Variants in SLC25A21 observed in about 807,000 individuals in gnomAD.
SLC25A21 encodes mitochondrial 2-oxodicarboxylate carrier.
In SLC25A21, 47 loss-of-function variants were observed where a neutral mutation model predicts 43.8. The observed-to-expected ratio is 1.07, with a 90% CI of 0.85 to 1.37. The LOEUF (loss-of-function observed/expected upper bound fraction) is 1.37, where lower values mean the gene tolerates loss of function less well. Among genes scored for constraint, SLC25A21 ranks in the 40% most tolerant of loss-of-function variants. The probability of loss-of-function intolerance (pLI) is 0.00; values close to 1 mark genes in which losing one functional copy is unlikely to be tolerated. For missense variants in SLC25A21, 352 were observed against 350.2 expected (o/e 1.00, Z -0.04); for synonymous variants, 131 against 121.3 (o/e 1.08, Z -0.52).
At chr14:37,094,648 A>G (rs369464979) in intron 1 of SLC25A21, among the ~76,000 whole-genome samples, 1 of 152,146 alleles carries the variant, frequency 6.6e-6, no homozygotes, top group Admixed American at 6.5e-5. Context: ...ACATGCAAAC[A>G]TGCAGACTTA....
chr14:37,014,503 T>C (rs1960802729), intron 1 of SLC25A21, among the ~76,000 whole-genome samples: 1 of 152,134 alleles, frequency 6.6e-6, no homozygotes, highest in Non-Finnish European at 1.5e-5. Context: ...CCACTTCTAA[T>C]TCTCGTTCTC....
chr14:37,077,691 A>G (rs1962308498), intron 1 of SLC25A21, among the ~76,000 whole-genome samples: 1 of 152,184 alleles, frequency 6.6e-6, no homozygotes, highest in African/African-American at 2.4e-5. Flanking sequence ...CTAAAGAAAA[A>G]GACTTTTACA....
In SLC25A21 at chr14:37,101,766, T is replaced by C. The variant is rs563687407; in HGVS notation, c.70+70515A>G. On this transcript the variant is annotated intron_variant, in intron 1 of 9. Coordinates refer to ENST00000331299, the MANE Select transcript of SLC25A21 (RefSeq NM_030631.4). ...ATTTATACAAAAGCCCATATAGGTATAGAAAATGCAATAAAAAGAAAATGC... is the reference window on the plus strand; with the variant it reads ...ATTTATACAAAAGCCCATATAGGTACAGAAAATGCAATAAAAAGAAAATGC... Among the ~76,000 whole-genome samples the C allele has an allele frequency of 1.8e-4, 27 of 152,184 alleles. 1 individual carries two copies. The highest frequency in any genetic ancestry group is 3.1e-4 in the Non-Finnish European group (21 of 68,028).
intron 1 of SLC25A21, among the ~76,000 whole-genome samples, chr14:37,039,407 T>C (rs1961396554): frequency 6.6e-6 from 1 of 152,202 alleles, no homozygotes; most frequent in South Asian, 2.1e-4. Context: ...TCATTCCCTT[T>C]AGTACATCCC....
intron 7 of SLC25A21, among the ~76,000 whole-genome samples, chr14:36,701,819 T>G (rs990148137): frequency 6.6e-6 from 1 of 152,174 alleles, no homozygotes; most frequent in Non-Finnish European, 1.5e-5. Flanking sequence ...TGTAGTGTGT[T>G]CTCTCTGTTC....
intron 1 of SLC25A21, among the ~76,000 whole-genome samples, chr14:37,130,341 T>C (rs1240986000): frequency 6.6e-6 from 1 of 152,192 alleles, no homozygotes; most frequent in South Asian, 2.1e-4. Flanking sequence ...ATTCATAGTA[T>C]AAGAATGACA....
chr14:37,108,704 A>AGT (rs56801840), intron 1 of SLC25A21, among the ~76,000 whole-genome samples: 8,013 of 149,202 alleles, frequency 0.054, 298 homozygotes, highest in African/African-American at 0.1. Context: ...AGTTTTGTTA[A>AGT]GTGTGTGTGT....
intron 2 of SLC25A21, among the ~76,000 whole-genome samples, chr14:36,827,813 T>G (rs949465769): frequency 2.0e-5 from 3 of 152,204 alleles, no homozygotes; most frequent in African/African-American, 7.2e-5. Context: ...AAAACAGCTA[T>G]GTGGTTTCTG....
At chr14:37,070,400 C>A (rs907208187) in intron 1 of SLC25A21, among the ~76,000 whole-genome samples, 2 of 152,106 alleles carry the variant, frequency 1.3e-5, no homozygotes, top group East Asian at 3.9e-4. Flanking sequence ...TCATTGTAGA[C>A]CTCTTTTAAA....
In SLC25A21 at chr14:36,836,578, T is replaced by C. The variant is rs1185979890; in HGVS notation, c.120-22577A>G. Among the ~76,000 whole-genome samples the C allele has an allele frequency of 2.0e-5, 3 of 152,138 alleles. No homozygotes were observed. In the East Asian group the frequency reaches 5.8e-4, roughly 29 times the overall value. Reference sequence around the variant, plus strand: ...GCATTATGTAACAAAGGTGGATGGATGTGAGTGTTGATCTCTGGGCTCTGC... The same window carrying C: ...GCATTATGTAACAAAGGTGGATGGACGTGAGTGTTGATCTCTGGGCTCTGC... On this transcript the variant is annotated intron_variant, in intron 2 of 9. Coordinates refer to ENST00000331299, the MANE Select transcript of SLC25A21 (RefSeq NM_030631.4).
At chr14:37,148,046 C>T (rs1357755555) in intron 1 of SLC25A21, among the ~76,000 whole-genome samples, 1 of 151,914 alleles carries the variant, frequency 6.6e-6, no homozygotes, top group Non-Finnish European at 1.5e-5. Context: ...CCATGTTGGT[C>T]AGGCTGGTCT....
At chr14:36,769,682 A>C (rs1331705914) in intron 3 of SLC25A21, among the ~76,000 whole-genome samples, 1 of 152,154 alleles carries the variant, frequency 6.6e-6, no homozygotes, top group Non-Finnish European at 1.5e-5. Context: ...CTTTTTGCTT[A>C]AAATTCTTTT....
chr14:36,999,162 C>T (rs1256121446), intron 1 of SLC25A21, among the ~76,000 whole-genome samples: 2 of 152,096 alleles, frequency 1.3e-5, no homozygotes, highest in African/African-American at 4.8e-5. Context: ...GATACATAAA[C>T]TGTGGTACAT....
chr14:37,051,856 A>T (rs1434539437), intron 1 of SLC25A21, among the ~76,000 whole-genome samples: 1 of 152,202 alleles, frequency 6.6e-6, no homozygotes. Flanking sequence ...ATCTCCCACC[A>T]GGGCCTTCCT....
intron 1 of SLC25A21, among the ~76,000 whole-genome samples, chr14:36,963,194 GTA>G (rs1959535817): frequency 6.6e-6 from 1 of 151,904 alleles, no homozygotes; most frequent in Non-Finnish European, 1.5e-5. Context: ...TCCCCCCATA[GTA>G]TATTAAAGAG....
chr14:36,936,147 A>T (rs1892418221), intron 1 of SLC25A21, among the ~76,000 whole-genome samples: 1 of 152,158 alleles, frequency 6.6e-6, no homozygotes, highest in Non-Finnish European at 1.5e-5. Context: ...AGCTAAAGAA[A>T]CTTGCATCTG....
chr14:36,814,782 C>T lies in SLC25A21; in HGVS notation c.120-781G>A, dbSNP rs574534012. Among the ~76,000 whole-genome samples, 3 of 152,192 alleles carry T rather than the reference C, an allele frequency of 2.0e-5. No homozygotes were observed. In the South Asian group the frequency reaches 6.2e-4, roughly 32 times the overall value. ...GTGGCGATTCCTCAAGGATCTAGAA[C>T]CAGAAATACCATTTGACCCAGCAAT... is the stretch of plus-strand genomic sequence containing the variant. On this transcript the variant is annotated intron_variant, in intron 2 of 9. Transcript: ENST00000331299.
intron 1 of SLC25A21, among the ~76,000 whole-genome samples, chr14:37,051,326 C>T (rs1194361054): frequency 6.6e-6 from 1 of 152,186 alleles, no homozygotes; most frequent in Non-Finnish European, 1.5e-5. Context: ...AACAGCATGA[C>T]TGGTTCTGGA....
At chr14:37,123,108 GT>G (rs1381327318) in intron 1 of SLC25A21, among the ~76,000 whole-genome samples, 1 of 152,190 alleles carries the variant, frequency 6.6e-6, no homozygotes, top group African/African-American at 2.4e-5. Context: ...TAAATTGGTT[GT>G]TTTCTAAAGC....
Sources: gnomAD v4.1 joint callset for allele counts (sites outside exome capture counted in the v4.1 genomes callset) on GRCh38, gnomAD v4.1.1 for gene constraint, MANE v1.5 for transcripts, NCBI Gene and HGNC (gene_info 2026-07-23, HGNC 2026-07-21) for gene names.